The following PHF20L1 variants were observed in gnomAD, a reference collection of about 807,000 sequenced individuals.
The protein encoded by PHF20L1 is PHD finger protein 20-like protein 1.
Under a neutral mutation model 125.5 loss-of-function variants are expected in PHF20L1, and 44 were observed. The observed-to-expected ratio is 0.35, with a 90% CI of 0.28 to 0.45. The LOEUF (loss-of-function observed/expected upper bound fraction) is 0.45, where lower values mean the gene tolerates loss of function less well. Ranked by LOEUF, PHF20L1 falls within the 20% of genes least tolerant of loss-of-function variation. PHF20L1 has a pLI of 1.00. For synonymous variants in PHF20L1, 380 were observed against 403.1 expected, an observed-to-expected ratio of 0.94 and a Z score of 0.69; for missense variants, 1,012 against 1,217.2, an observed-to-expected ratio of 0.83 and a Z score of 2.51.
At chr8:132,782,693 A>G (rs1294051245) in intron 2 of PHF20L1, among the ~76,000 whole-genome samples, 2 of 152,054 alleles carry the variant, frequency 1.3e-5, no homozygotes, top group Admixed American at 6.5e-5. Flanking sequence ...GGCTCAAGCC[A>G]TCCTCCTGCT....
In PHF20L1 at chr8:132,801,350, TTC is replaced by T. The variant is rs200774073; in HGVS notation, c.507+2180_507+2181del. Among the ~76,000 whole-genome samples the T allele has an allele frequency of 1.4e-3, 211 of 151,876 alleles. 4 individuals carry two copies. In the East Asian group the frequency reaches 0.035, roughly 25 times the overall value. ...CCTTTGACATAGGTATGGCTAATAT[TTC>T]TGTTTCACATTTGAAGAATTCAGAA... On this transcript the variant is annotated intron_variant, in intron 6 of 20. Transcript: ENST00000395386.
At position 132,848,167 on chromosome 8, in the gene PHF20L1, AATTT is replaced by A. The variant is rs956019921; in HGVS notation, c.*2249_*2252del. 1 of 152,064 alleles carries A rather than the reference AATTT, an allele frequency of 6.6e-6. No individual in the cohort carries two copies. The highest frequency in any genetic ancestry group is 2.4e-5 in the African/African-American group (1 of 41,438). The allele number at this position is 152,064 out of a possible 1,614,324, so 9.4% of individuals were successfully genotyped here. A position where few individuals can be genotyped will look rare whatever the true frequency, so the allele number is the denominator to read the frequency against. On this transcript the variant is annotated 3_prime_UTR_variant, in exon 21 of 21. Coordinates refer to ENST00000395386, the MANE Select transcript of PHF20L1 (RefSeq NM_016018.5). Reference sequence around the variant, plus strand: ...TCTTGTAGTTTCTAAAAATTAGATCAATTTATTTGTTAGCCAGCAAATTGAAAAT... The same window carrying A: ...TCTTGTAGTTTCTAAAAATTAGATCAATTTGTTAGCCAGCAAATTGAAAAT...
rs1833387171 is a variant in PHF20L1, at chr8:132,803,954, A to C, written c.643A>C (p.Lys215Gln). The change falls in exon 7 of 21, where the codon AAG becomes CAG. Residue 215 changes from lysine (K) to glutamine (Q), a missense_variant. By Grantham distance (53) the Lys-to-Gln change is moderately conservative. This residue lies in a region of PHF20L1 where 134 missense variants were observed against 145.9 expected (regional missense o/e 0.92). Coordinates refer to ENST00000395386, the MANE Select transcript of PHF20L1 (RefSeq NM_016018.5). ...AAAGTGGTTTAAAGTACCTTCAAAG[A>C]AGGAGGAAACTTCAACTTGTATAGC... is the stretch of plus-strand genomic sequence containing the variant. ...ERKWFKVPSK[K>Q]EETSTCIATP... 5.6e-6 allele frequency: 9 copies of C among 1,612,162 alleles called. No homozygotes were observed. The highest frequency in any genetic ancestry group is 2.7e-5 in the African/African-American group (2 of 74,824).
intron 14 of PHF20L1, 107 bp downstream of exon 14, chr8:132,825,478 T>A: frequency 1.2e-6 from 1 of 840,734 alleles, no homozygotes; most frequent in Non-Finnish European, 1.7e-6. Flanking sequence ...CCGTGTCCCG[T>A]GTTGAGAACT....
intron 1 of PHF20L1, among the ~76,000 whole-genome samples, 181 bp downstream of exon 1, chr8:132,775,826 C>T (rs1829649200): frequency 6.6e-6 from 1 of 152,110 alleles, no homozygotes. Flanking sequence ...TACCCCCCTG[C>T]GGAGGGCCGG....
At chr8:132,793,463 C>G (rs138393952) in intron 2 of PHF20L1, among the ~76,000 whole-genome samples, 1 of 151,962 alleles carries the variant, frequency 6.6e-6, no homozygotes, top group Non-Finnish European at 1.5e-5. Context: ...TAGTTTTTCA[C>G]GGGGAAAACA....
chr8:132,800,714 T>G (rs1832947758), intron 6 of PHF20L1, among the ~76,000 whole-genome samples: 1 of 151,696 alleles, frequency 6.6e-6, no homozygotes, highest in South Asian at 2.1e-4. Context: ...TAAGCCTAAA[T>G]AAGTCTTAAT....
chr8:132,817,699 C>T (rs921391934), intron 12 of PHF20L1, 154 bp downstream of exon 12: 5 of 603,808 alleles, frequency 8.3e-6, no homozygotes, highest in Admixed American at 3.0e-5. Context: ...GTTTCATCTC[C>T]GTTTTAAAGG....
At chr8:132,845,734 T>A in intron 20 of PHF20L1, 47 bp from the exon 21 acceptor site, 1 of 1,348,982 alleles carries the variant, frequency 7.4e-7, no homozygotes, top group South Asian at 1.2e-5. Flanking sequence ...TTTCTGACTG[T>A]TCTTCCAGTT....
chr8:132,784,915 C>G (rs962721733), intron 2 of PHF20L1, among the ~76,000 whole-genome samples: 1 of 152,150 alleles, frequency 6.6e-6, no homozygotes, highest in African/African-American at 2.4e-5. Flanking sequence ...AATTAGAGAG[C>G]TTGAGCAAGG....
intron 18 of PHF20L1, chr8:132,841,952 G>GAT (rs1267039139): frequency 3.3e-5 from 5 of 152,216 alleles, no homozygotes; most frequent in African/African-American, 1.2e-4. Flanking sequence ...GATATGGCAA[G>GAT]ATGCCCCTAG....
At chr8:132,817,660 T>C in intron 12 of PHF20L1, 115 bp downstream of exon 12, 1 of 677,666 alleles carries the variant, frequency 1.5e-6, no homozygotes, top group East Asian at 2.7e-5. Context: ...ATAATTCCTT[T>C]TCATAAATAC....
At chr8:132,842,444 A>T in intron 18 of PHF20L1, 71 bp from the exon 19 acceptor site, 5 of 1,379,818 alleles carry the variant, frequency 3.6e-6, no homozygotes, top group Non-Finnish European at 1.9e-6. Flanking sequence ...TCTGAAATAG[A>T]TCATTGTATT....
rs1441109578 is a variant in PHF20L1 at position 132,775,462 on chromosome 8, C to G, written c.-221C>G. 7.9e-6 allele frequency: 3 copies of G among 381,832 alleles called. No homozygotes were observed. Among genetic ancestry groups the G allele is most frequent in the South Asian group, 1.3e-4 (1 of 7,804 alleles). 23.7% of individuals were successfully genotyped at this position (381,832 alleles called of 1,614,324 possible). ...CCCTGAGCGAGCTTGAGGGCTCGGACCCAGCTCCCTCCCGCGAAACCTTGG... is the reference window on the plus strand; with the variant it reads ...CCCTGAGCGAGCTTGAGGGCTCGGAGCCAGCTCCCTCCCGCGAAACCTTGG... On this transcript the variant is annotated 5_prime_UTR_variant, in exon 1 of 21. Coordinates refer to ENST00000395386, the MANE Select transcript of PHF20L1 (RefSeq NM_016018.5).
At chr8:132,843,781 A>T in intron 19 of PHF20L1, 11 of 985,252 alleles carry the variant, frequency 1.1e-5, no homozygotes, top group Non-Finnish European at 1.3e-5. Flanking sequence ...ATTTCTTTTC[A>T]TCATTGCTTT....
intron 18 of PHF20L1, 87 bp downstream of exon 18, chr8:132,839,669 T>C: frequency 1.1e-6 from 1 of 885,718 alleles, no homozygotes; most frequent in Non-Finnish European, 1.8e-6. Flanking sequence ...TGGTCCAGAG[T>C]AACAGTTTGG....
chr8:132,824,098 A>G, intron 13 of PHF20L1, 38 bp downstream of exon 13: 3 of 1,313,162 alleles, frequency 2.3e-6, no homozygotes, highest in Non-Finnish European at 2.2e-6. Flanking sequence ...AAAGACTATA[A>G]AGCTTGACAG....
At chr8:132,784,064 GC>G (rs1347718757) in intron 2 of PHF20L1, among the ~76,000 whole-genome samples, 1 of 152,084 alleles carries the variant, frequency 6.6e-6, no homozygotes, top group Non-Finnish European at 1.5e-5. Context: ...ACAAAAGAAA[GC>G]CCCGTAAATT....
intron 19 of PHF20L1, chr8:132,843,689 C>T (rs759971776): frequency 5.1e-6 from 5 of 984,672 alleles, no homozygotes; most frequent in Non-Finnish European, 6.0e-6. Flanking sequence ...CTTTCCCTCC[C>T]TTCATTGATT....
Sources: gnomAD v4.1 joint callset for allele counts (sites outside exome capture counted in the v4.1 genomes callset) on GRCh38, gnomAD v4.1.1 for gene constraint, gnomAD v4.1.1 regional missense constraint, MANE v1.5 for transcripts, NCBI Gene and HGNC (gene_info 2026-07-23, HGNC 2026-07-21) for gene names.